Variants in UBE2F observed in about 807,000 individuals in gnomAD.
UBE2F encodes the protein ubiquitin conjugating enzyme E2 F (putative), also known as NEDD8-conjugating enzyme UBE2F.
A neutral mutation model predicts 29.6 loss-of-function variants in UBE2F; 5 were observed. The observed-to-expected ratio is 0.17, with a 90% CI of 0.09 to 0.36. UBE2F has a LOEUF of 0.36. Among genes scored for constraint, UBE2F ranks in the 10% least tolerant of loss-of-function variants. UBE2F has a pLI of 1.00. For missense variants in UBE2F, 141 were observed against 228.5 expected (o/e 0.62, Z 2.47); for synonymous variants, 66 against 81.8 (o/e 0.81, Z 1.04).
At chr2:237,987,360 T>G (rs373400175) in intron 2 of UBE2F, among the ~76,000 whole-genome samples, 1 of 152,168 alleles carries the variant, frequency 6.6e-6, no homozygotes, top group Admixed American at 6.6e-5. Context: ...TGCCTTTTAT[T>G]TGTTTTTCTT....
intron 2 of UBE2F, among the ~76,000 whole-genome samples, chr2:237,981,498 G>A: frequency 6.6e-6 from 1 of 152,090 alleles, no homozygotes; most frequent in East Asian, 1.9e-4. Context: ...GACTGTGACT[G>A]TGGTGGGATC....
chr2:238,041,710 G>A lies in UBE2F; in HGVS notation c.*372G>A, dbSNP rs988003329. The A allele has an allele frequency of 1.2e-4, 24 of 198,546 alleles. No individual in the cohort carries two copies. Among genetic ancestry groups the A allele is most frequent in the Non-Finnish European group, 2.5e-4 (24 of 96,898 alleles). The allele number at this position is 198,546 out of a possible 1,614,324, so 12.3% of individuals were successfully genotyped here. On this transcript the variant is annotated 3_prime_UTR_variant, in exon 10 of 10. Coordinates refer to ENST00000272930, the MANE Select transcript of UBE2F (RefSeq NM_080678.3). ...AACAAAATTGGTTTTCTGCACAAGC[G>A]ATGCTAATGATGTGTTCAGTGTAAC... is the stretch of plus-strand genomic sequence containing the variant.
chr2:237,980,399 G>C (rs1157576162), intron 2 of UBE2F, among the ~76,000 whole-genome samples: 1 of 152,244 alleles, frequency 6.6e-6, no homozygotes, highest in Non-Finnish European at 1.5e-5. Flanking sequence ...CTGGCTTGCA[G>C]ATGGCCTCTT....
At chr2:238,041,232 C>T in intron 9 of UBE2F, 56 bp from the exon 10 acceptor site, 10 of 1,518,124 alleles carry the variant, frequency 6.6e-6, no homozygotes, top group Non-Finnish European at 9.1e-6. Context: ...CGCTGCTTCA[C>T]TCACTCACTC....
intron 6 of UBE2F, among the ~76,000 whole-genome samples, chr2:238,026,465 G>A (rs1423365828): frequency 6.6e-6 from 1 of 151,784 alleles, no homozygotes; most frequent in African/African-American, 2.4e-5. Context: ...ATGGAGTCTC[G>A]CTTTGTTGCC....
chr2:238,027,935 T>C (rs984581921), intron 6 of UBE2F, among the ~76,000 whole-genome samples: 1 of 152,246 alleles, frequency 6.6e-6, no homozygotes, highest in African/African-American at 2.4e-5. Flanking sequence ...TCGCCTGCTC[T>C]GGCACAAGGT....
intron 4 of UBE2F, among the ~76,000 whole-genome samples, chr2:238,006,830 A>G (rs888989624): frequency 2.5e-4 from 37 of 145,328 alleles, no homozygotes; most frequent in Admixed American, 2.3e-3. Context: ...ATCTCAGCTC[A>G]CCACAACCTC....
Position 237,998,914 on chromosome 2 carries a change from G to C in UBE2F, c.214+4105G>C, listed in dbSNP as rs2063738225. 2.6e-5 allele frequency among the ~76,000 whole-genome samples: 4 copies of C among 152,132 alleles called. No homozygotes were observed. The South Asian group carries it at 8.3e-4, about 32-fold the overall frequency. On this transcript the variant is annotated intron_variant, in intron 4 of 9. Transcript: ENST00000272930. ...GGGCCATTTATACATCGTCCTTTCT[G>C]AAGTGCCCCAGTCTTTTGCCCTAAA...
chr2:237,990,848 T>C (rs1218260290), intron 3 of UBE2F, among the ~76,000 whole-genome samples: 1 of 152,024 alleles, frequency 6.6e-6, no homozygotes, highest in Non-Finnish European at 1.5e-5. Flanking sequence ...ACTCCTGGGC[T>C]CAAGTGATCC....
chr2:237,991,986 T>C (rs1190690691), intron 3 of UBE2F, among the ~76,000 whole-genome samples: 4 of 151,884 alleles, frequency 2.6e-5, no homozygotes, highest in African/African-American at 9.7e-5. Context: ...TGCCTCAGCC[T>C]CCCCCTCAGC....
chr2:237,984,380 T>C (rs1291282799), intron 2 of UBE2F, among the ~76,000 whole-genome samples: 1 of 152,248 alleles, frequency 6.6e-6, no homozygotes, highest in Non-Finnish European at 1.5e-5. Flanking sequence ...GTTTTTCTAC[T>C]TTGTTTCCCA....
intron 7 of UBE2F, among the ~76,000 whole-genome samples, chr2:238,030,895 C>CT (rs2064560311): frequency 6.6e-6 from 1 of 152,230 alleles, no homozygotes; most frequent in South Asian, 2.1e-4. Flanking sequence ...CCACCCGCCA[C>CT]ATAGGAAACC....
At chr2:237,980,677 T>G (rs989323022) in intron 2 of UBE2F, among the ~76,000 whole-genome samples, 3 of 152,102 alleles carry the variant, frequency 2.0e-5, no homozygotes, top group Non-Finnish European at 4.4e-5. Context: ...CATTCTTGGG[T>G]CTTAGAGGAA....
chr2:237,972,541 ATTTT>A (rs57914670), intron 1 of UBE2F, among the ~76,000 whole-genome samples: 1,736 of 124,208 alleles, frequency 0.014, 94 homozygotes, highest in African/African-American at 0.041. Context: ...TTAATTTTAA[ATTTT>A]TTTTTTTTTT....
intron 5 of UBE2F, among the ~76,000 whole-genome samples, chr2:238,021,830 G>A (rs2064301522): frequency 6.6e-6 from 1 of 152,228 alleles, no homozygotes; most frequent in South Asian, 2.1e-4. Context: ...GATTTGGTCT[G>A]TAGGCTGTGG....
intron 1 of UBE2F, among the ~76,000 whole-genome samples, chr2:237,968,199 GGAGA>G (rs141359222): frequency 6.6e-6 from 1 of 151,942 alleles, no homozygotes; most frequent in Admixed American, 6.6e-5. Context: ...CATAGAGGTG[GGAGA>G]GAGAGAGAGA....
At chr2:237,979,210 T>C (rs566333212) in intron 2 of UBE2F, among the ~76,000 whole-genome samples, 17 of 152,330 alleles carry the variant, frequency 1.1e-4, no homozygotes, top group African/African-American at 4.1e-4. Flanking sequence ...AATCAGCCCC[T>C]GAGTCCCAGG....
chr2:238,037,527 A>G (rs1248709175), intron 9 of UBE2F, among the ~76,000 whole-genome samples: 2 of 152,110 alleles, frequency 1.3e-5, no homozygotes, highest in African/African-American at 4.8e-5. Context: ...TGGTGGTAGA[A>G]CCTCGCACTC....
chr2:237,973,738 A>G, intron 2 of UBE2F: 2 of 1,268,208 alleles, frequency 1.6e-6, no homozygotes. Context: ...GACTTCTGCT[A>G]TCCATGTTGG....
Sources: gnomAD v4.1 joint callset for allele counts (sites outside exome capture counted in the v4.1 genomes callset) on GRCh38, gnomAD v4.1.1 for gene constraint, MANE v1.5 for transcripts, NCBI Gene and HGNC (gene_info 2026-07-23, HGNC 2026-07-21) for gene names.